ACACB: variants seen among roughly 807,000 people sequenced by gnomAD.
ACACB encodes acetyl-CoA carboxylase 2.
Under a neutral mutation model 278.8 loss-of-function variants are expected in ACACB, and 209 were observed. The observed-to-expected ratio is 0.75, with a 90% CI of 0.67 to 0.84. ACACB has a LOEUF of 0.84. Ranked by LOEUF, ACACB falls within the 40% of genes least tolerant of loss-of-function variation. The pLI, the probability that ACACB is intolerant of heterozygous loss-of-function variation, is 0.00. For synonymous variants in ACACB, 1,174 were observed against 1,285.6 expected (o/e 0.91, Z 1.86); for missense variants, 2,850 against 3,269.0 (o/e 0.87, Z 3.13).
At chr12:109,127,382 A>G (rs2135962932) in intron 1 of ACACB, among the ~76,000 whole-genome samples, 1 of 152,074 alleles carries the variant, frequency 6.6e-6, no homozygotes, top group Middle Eastern at 3.4e-3. Context: ...CAGGAGTTCA[A>G]GATCAGCCTG....
At position 109,158,391 on chromosome 12, in the gene ACACB, A is replaced by G. The variant is rs188675976; in HGVS notation, c.654-8470A>G. On this transcript the variant is annotated intron_variant, in intron 2 of 52. Coordinates refer to ENST00000338432, the MANE Select transcript of ACACB (RefSeq NM_001093.4). ...ATTTTTTTTTTTTTTTCGATGACTT[A>G]AAAATGTTGGCTGGGCATGGTGGCT... Among the ~76,000 whole-genome samples the G allele has an allele frequency of 5.6e-3, 847 of 151,722 alleles. 6 individuals are homozygous for G. Among genetic ancestry groups the G allele is most frequent in the African/African-American group, 0.019 (792 of 41,356 alleles).
rs563545335 is a variant in ACACB at position 109,199,178 on chromosome 12, A to C, written c.2628-224A>C. ...GCACTCCAGCCTGGGCAACAGAGCG[A>C]GACTCCGTCTCAAAAAAAAAAATAA... is the stretch of plus-strand genomic sequence containing the variant. On this transcript the variant is annotated intron_variant, in intron 17 of 52. Transcript: ENST00000338432. Among the ~76,000 whole-genome samples the C allele has an allele frequency of 2.7e-4, 41 of 152,038 alleles. 1 individual carries two copies. In the South Asian group the frequency reaches 8.3e-3, roughly 31 times the overall value.
intron 21 of ACACB, among the ~76,000 whole-genome samples, chr12:109,212,064 A>G (rs956904135): frequency 6.6e-6 from 1 of 152,208 alleles, no homozygotes; most frequent in African/African-American, 2.4e-5. Context: ...GCGGAATGGT[A>G]TAAGGCGAAT....
rs1165811168 is a variant in ACACB, at chr12:109,253,121, T to C, written c.6008T>C (p.Val2003Ala). 6.2e-7 allele frequency: 1 copy of C among 1,608,648 alleles called. No homozygotes were observed. Among genetic ancestry groups the C allele is most frequent in the Non-Finnish European group, 8.5e-7 (1 of 1,176,846 alleles). Residue 2003 changes from valine to alanine, a missense_variant, in exon 43 of 53, where the codon GTT becomes GCT. Physicochemically the swap from Val to Ala is moderately conservative, Grantham distance 64. Coordinates refer to ENST00000338432, the MANE Select transcript of ACACB (RefSeq NM_001093.4). The part of the protein sequence containing the change: ...HITVPDDFEG[V>A]YTILEWLSYM... ...ACCGTGCCAGATGACTTTGAGGGGGTTTATACCATCCTGGAGTGGCTGTCC... is the reference window on the plus strand; with the variant it reads ...ACCGTGCCAGATGACTTTGAGGGGGCTTATACCATCCTGGAGTGGCTGTCC...
chr12:109,260,363 G>A, intron 47 of ACACB, 117 bp from the exon 48 acceptor site: 2 of 1,327,472 alleles, frequency 1.5e-6, no homozygotes. Context: ...CCAGCCCAGT[G>A]CTCTCCAAGC....
intron 1 of ACACB, among the ~76,000 whole-genome samples, chr12:109,122,451 G>A (rs2042571471): frequency 1.3e-5 from 2 of 151,990 alleles, no homozygotes; most frequent in African/African-American, 4.8e-5. Context: ...GCACATGCCT[G>A]TAATCCCAGT....
intron 1 of ACACB, among the ~76,000 whole-genome samples, chr12:109,126,708 T>TAAA (rs113571428): frequency 6.6e-6 from 1 of 151,540 alleles, no homozygotes; most frequent in Non-Finnish European, 1.5e-5. Flanking sequence ...AAATAAAAAA[T>TAAA]AAAAAGAAAG....
intron 1 of ACACB, among the ~76,000 whole-genome samples, chr12:109,133,313 C>G (rs1224156079): frequency 6.6e-6 from 1 of 152,066 alleles, no homozygotes. Context: ...TCACTGCAAC[C>G]TCCCCCTCCT....
intron 1 of ACACB, among the ~76,000 whole-genome samples, chr12:109,124,961 G>A (rs1013566456): frequency 1.3e-5 from 2 of 152,098 alleles, no homozygotes; most frequent in African/African-American, 4.8e-5. Flanking sequence ...CGATACTCCC[G>A]CCTTGGCCTT....
At chr12:109,255,266 C>T (rs2136786464) in intron 44 of ACACB, among the ~76,000 whole-genome samples, 1 of 152,354 alleles carries the variant, frequency 6.6e-6, no homozygotes, top group East Asian at 1.9e-4. Context: ...CTGCTCCCGT[C>T]ACTATATCCC....
chr12:109,256,216 C>T lies in ACACB; in HGVS notation c.6243C>T (p.Thr2081=), dbSNP rs757154700. The part of the protein sequence containing the change: ...FKEIMAPWAQ[T]VVTGRARLGG... ...AAATCATGGCACCCTGGGCGCAGAC[C>T]GTGGTGACAGGACGAGCAAGGTAAT... The change falls in exon 45 of 53, where the codon ACC becomes ACT. Residue 2081 remains threonine, a synonymous_variant. Transcript: ENST00000338432. 44 of 1,613,842 alleles carry T rather than the reference C, an allele frequency of 2.7e-5. No individual in the cohort carries two copies. The highest frequency in any genetic ancestry group is 1.6e-4 in the South Asian group (15 of 91,072).
Position 109,222,579 on chromosome 12 carries a change from A to T in ACACB, c.3637A>T (p.Ser1213Cys). 3 of 1,614,126 alleles carry T rather than the reference A, an allele frequency of 1.9e-6. No homozygotes were observed. Among genetic ancestry groups the T allele is most frequent in the Non-Finnish European group, 2.5e-6 (3 of 1,180,018 alleles). Residue 1213 changes from serine (S) to cysteine (C), a missense_variant, in exon 25 of 53, where the codon AGC becomes TGC. Ser to Cys is a moderately radical substitution (Grantham distance 112). Transcript: ENST00000338432. ...CATCCTCAACGAGCTCACTCAGCTGAGCAAAAGCGAGCACTGCAAAGTGGC... is the reference window on the plus strand; with the variant it reads ...CATCCTCAACGAGCTCACTCAGCTGTGCAAAAGCGAGCACTGCAAAGTGGC... ...ISILNELTQL[S>C]KSEHCKVALR...
rs1415617792 is a variant in ACACB at position 109,120,208 on chromosome 12, A to G, written c.-10+3504A>G. 2.6e-5 allele frequency among the ~76,000 whole-genome samples: 4 copies of G among 152,166 alleles called. No homozygotes were observed. The East Asian group carries it at 7.7e-4, about 29-fold the overall frequency. ...GCTCTTCTGATATGGAGAGCTGCCC[A>G]TGCAAGGTGGAAACAGGCCTCCAGG... On this transcript the variant is annotated intron_variant, in intron 1 of 52. Transcript: ENST00000338432.
rs115318185 is a variant in ACACB, at chr12:109,209,739, T to C, written c.3249+386T>C. Among the ~76,000 whole-genome samples the C allele has an allele frequency of 4.3e-3, 656 of 151,074 alleles. 10 individuals carry two copies. Among genetic ancestry groups the C allele is most frequent in the African/African-American group, 0.015 (624 of 41,030 alleles). On this transcript the variant is annotated intron_variant, in intron 21 of 52. Transcript: ENST00000338432. ...GCTTTGATTTTCTGCCCCTGGATTT[T>C]GTAGGTGATCATCTGGGAGCTCCAT...
At chr12:109,115,775 G>A (rs111299227), upstream of ACACB, among the ~76,000 whole-genome samples, 3 of 152,254 alleles carry the variant, frequency 2.0e-5, no homozygotes, top group Non-Finnish European at 4.4e-5. Flanking sequence ...AGCCCCAGCA[G>A]CAATTTCCAT....
chr12:109,258,225 G>A (rs2047281264), intron 45 of ACACB, 43 bp from the exon 46 acceptor site: 5 of 1,525,918 alleles, frequency 3.3e-6, no homozygotes, highest in Admixed American at 1.8e-5. Context: ...AAATGCACCT[G>A]GGGTGCTGCC....
rs967146071 is a variant in ACACB, at chr12:109,262,368, T to C, written c.6686T>C (p.Leu2229Pro). 3 of 1,613,206 alleles carry C rather than the reference T, an allele frequency of 1.9e-6. No homozygotes were observed. The highest frequency in any genetic ancestry group is 1.7e-5 in the Admixed American group (1 of 59,976). The change falls in exon 49 of 53, where the codon CTG (leucine) becomes CCG (proline). Residue 2229 changes from leucine to proline, a missense_variant. Physicochemically the swap from Leu to Pro is moderately conservative, Grantham distance 98. Transcript: ENST00000338432. ...TCTTCTCTTTTAAGGGGTGGTGTTC[T>C]GGAACCAGAGGGGACAGTGGAGATT... The part of the protein sequence containing the change: ...YADKESRGGV[L>P]EPEGTVEIKF...
chr12:109,183,632 T>C (rs998169431), intron 11 of ACACB, among the ~76,000 whole-genome samples: 1 of 152,218 alleles, frequency 6.6e-6, no homozygotes, highest in African/African-American at 2.4e-5. Flanking sequence ...ATGTTGATTT[T>C]GTATCCTGTA....
chr12:109,247,470 A>T (rs2046978829), intron 39 of ACACB, 136 bp from the exon 40 acceptor site: 1 of 665,282 alleles, frequency 1.5e-6, no homozygotes, highest in African/African-American at 1.8e-5. Context: ...TTTACATGAG[A>T]TGTGTTAATG....
Sources: allele counts gnomAD v4.1 joint callset (sites outside exome capture counted in the v4.1 genomes callset), GRCh38; gene constraint gnomAD v4.1.1; transcripts MANE v1.5; gene names NCBI Gene and HGNC (gene_info 2026-07-23, HGNC 2026-07-21).